HPSE2: variants seen among roughly 807,000 people sequenced by gnomAD.
HPSE2 encodes heparanase 2 (inactive), also known as inactive heparanase-2.
HPSE2 carries 38 observed loss-of-function variants against 60.5 expected under a neutral mutation model. That is an observed-to-expected ratio of 0.63 (90% CI 0.48 to 0.82). The LOEUF is 0.82. Among genes scored for constraint, HPSE2 ranks in the 40% least tolerant of loss-of-function variants. The pLI is 0.00. For missense variants in HPSE2, 713 were observed against 740.4 expected (o/e 0.96, Z 0.43); for synonymous variants, 295 against 293.2 (o/e 1.01, Z -0.06).
chr10:98,988,259 A>G (rs1166764896), intron 3 of HPSE2, among the ~76,000 whole-genome samples: 64 of 152,420 alleles, frequency 4.2e-4, no homozygotes, highest in Admixed American at 1.4e-3. Flanking sequence ...ACAAGGCTAC[A>G]GTAACCAAAA....
rs745969992 is a variant in HPSE2 at position 98,909,827 on chromosome 10, A to G, written c.611-165771T>C. The stretch of plus-strand genomic sequence containing the variant: ...TAAACAACTTAAATGCCATTCACAC[A>G]CATAAAAGTTTAGTAAACTATACTC... On this transcript the variant is annotated intron_variant, in intron 3 of 11. Coordinates refer to ENST00000370552, the MANE Select transcript of HPSE2 (RefSeq NM_021828.5). Among the ~76,000 whole-genome samples, 15 of 152,230 alleles carry G rather than the reference A, an allele frequency of 9.9e-5. No individual in the cohort carries two copies. The South Asian group carries it at 1.2e-3, about 13-fold the overall frequency.
intron 9 of HPSE2, among the ~76,000 whole-genome samples, chr10:98,571,785 C>T (rs745666014): frequency 6.6e-6 from 1 of 152,128 alleles, no homozygotes; most frequent in Non-Finnish European, 1.5e-5. Context: ...AACTGCTAGG[C>T]GAGGGAGGGT....
chr10:98,504,086 T>G lies in HPSE2; in HGVS notation c.1321-13890A>C, dbSNP rs190941513. Among the ~76,000 whole-genome samples the G allele has an allele frequency of 7.6e-4, 115 of 152,288 alleles. 1 individual carries two copies. The highest frequency in any genetic ancestry group is 2.6e-3 in the African/African-American group (108 of 41,554). The stretch of plus-strand genomic sequence containing the variant: ...GAAAGGTGAAATAAATAAATAAATA[T>G]AGCTTTGAATTCGTATTTCTTTCTA... On this transcript the variant is annotated intron_variant, in intron 9 of 11. Transcript: ENST00000370552.
At chr10:98,717,582 G>A (rs1229883511) in intron 5 of HPSE2, among the ~76,000 whole-genome samples, 1 of 152,046 alleles carries the variant, frequency 6.6e-6, no homozygotes, top group East Asian at 1.9e-4. Context: ...GAATAGAAAA[G>A]CCTGAGAACA....
At chr10:99,032,230 T>A (rs1487360939) in intron 3 of HPSE2, among the ~76,000 whole-genome samples, 1 of 152,168 alleles carries the variant, frequency 6.6e-6, no homozygotes, top group African/African-American at 2.4e-5. Flanking sequence ...AGGGCAATAT[T>A]TAGAAAATGT....
At position 99,119,045 on chromosome 10, in the gene HPSE2, A is replaced by AAAAG. The variant is rs1336686620; in HGVS notation, c.610+25189_610+25192dup. ...AGAAAGGAAAAGAAAGAAAGAAAAG[A>AAAAG]AAAGAAAGAAAGAAAGAGAGAGAAA... On this transcript the variant is annotated intron_variant, in intron 3 of 11. Transcript: ENST00000370552. Among the ~76,000 whole-genome samples the AAAAG allele has an allele frequency of 1.9e-3, 279 of 148,188 alleles. 1 individual carries two copies. The highest frequency in any genetic ancestry group is 6.3e-3 in the African/African-American group (254 of 40,482).
At chr10:99,182,018 A>G (rs1018586555) in intron 2 of HPSE2, among the ~76,000 whole-genome samples, 1 of 152,190 alleles carries the variant, frequency 6.6e-6, no homozygotes, top group Non-Finnish European at 1.5e-5. Context: ...AGAAGAAACT[A>G]AACCTCCTGA....
At chr10:99,072,133 GAT>G (rs1842811343) in intron 3 of HPSE2, among the ~76,000 whole-genome samples, 1 of 151,730 alleles carries the variant, frequency 6.6e-6, no homozygotes, top group Non-Finnish European at 1.5e-5. Context: ...CTGAGATTTT[GAT>G]AGAGATAGAA....
chr10:98,478,390 A>C (rs1223315102), intron 11 of HPSE2, among the ~76,000 whole-genome samples: 1 of 152,004 alleles, frequency 6.6e-6, no homozygotes, highest in Admixed American at 6.5e-5. Context: ...CCAAAAGTGA[A>C]GAGGAAACAG....
intron 9 of HPSE2, among the ~76,000 whole-genome samples, chr10:98,589,548 C>A (rs948888480): frequency 3.9e-5 from 6 of 152,196 alleles, no homozygotes; most frequent in Admixed American, 2.6e-4. Context: ...GTTCTGTGCC[C>A]TACAAGAAAT....
chr10:99,275,034 T>C, the HPSE2 span, among the ~76,000 whole-genome samples: 1 of 152,246 alleles, frequency 6.6e-6, no homozygotes, highest in Non-Finnish European at 1.5e-5. Context: ...AATCTAGCCC[T>C]TCATTTTACA....
At chr10:99,188,692 T>A (rs1011159525) in intron 2 of HPSE2, among the ~76,000 whole-genome samples, 1 of 152,068 alleles carries the variant, frequency 6.6e-6, no homozygotes, top group Non-Finnish European at 1.5e-5. Context: ...TGTTTGGGAG[T>A]AAAAGTAGGA....
intron 7 of HPSE2, among the ~76,000 whole-genome samples, chr10:98,627,984 C>A (rs913107400): frequency 1.3e-5 from 2 of 152,204 alleles, no homozygotes; most frequent in Non-Finnish European, 2.9e-5. Context: ...ATTCTCAGCA[C>A]AGGGGTAATT....
At position 98,459,721 on chromosome 10, in the gene HPSE2, G is replaced by C. The variant is rs1354429810; in HGVS notation, c.1632C>G (p.Gly544=). The change falls in exon 12 of 12, where the codon GGC becomes GGG. Residue 544 remains glycine (G), a synonymous_variant. Coordinates refer to ENST00000370552, the MANE Select transcript of HPSE2 (RefSeq NM_021828.5). Reference sequence around the variant, plus strand: ...CGTCGTCCACCATCACTAAGGGCTGGCCATTCAGTTGCACTGACCTACAGT... The same window carrying C: ...CGTCGTCCACCATCACTAAGGGCTGCCCATTCAGTTGCACTGACCTACAGT... ...GLKSKSVQLN[G]QPLVMVDDGT... 1.1e-5 allele frequency: 18 copies of C among 1,613,730 alleles called. No homozygotes were observed. Among genetic ancestry groups the C allele is most frequent in the Non-Finnish European group, 1.5e-5 (18 of 1,179,900 alleles).
intron 6 of HPSE2, among the ~76,000 whole-genome samples, chr10:98,644,196 C>T (rs1233767303): frequency 6.6e-6 from 1 of 152,066 alleles, no homozygotes; most frequent in East Asian, 1.9e-4. Flanking sequence ...TTTAAAAAAC[C>T]CAAATCTACA....
chr10:99,179,810 C>T (rs186950885), intron 2 of HPSE2, among the ~76,000 whole-genome samples: 1 of 151,260 alleles, frequency 6.6e-6, no homozygotes, highest in African/African-American at 2.4e-5. Context: ...CCAAGACAAT[C>T]CTAAGCAAAA....
At chr10:98,916,544 C>T (rs943904477) in intron 3 of HPSE2, among the ~76,000 whole-genome samples, 1 of 152,192 alleles carries the variant, frequency 6.6e-6, no homozygotes, top group African/African-American at 2.4e-5. Context: ...TCTGTTGTGA[C>T]AGATAGGTAA....
intron 7 of HPSE2, among the ~76,000 whole-genome samples, chr10:98,628,382 A>G (rs574335295): frequency 1.3e-5 from 2 of 152,308 alleles, no homozygotes; most frequent in East Asian, 1.9e-4. Flanking sequence ...ACTGAGGGCT[A>G]TAGTTCAACA....
intron 3 of HPSE2, among the ~76,000 whole-genome samples, chr10:98,795,722 A>G (rs2589575): frequency 6.6e-6 from 1 of 151,902 alleles, no homozygotes; most frequent in African/African-American, 2.4e-5. Context: ...TTGTGCCGCC[A>G]CTCCCCCAGC....
Sources: allele counts gnomAD v4.1 joint callset (sites outside exome capture counted in the v4.1 genomes callset), GRCh38; gene constraint gnomAD v4.1.1; transcripts MANE v1.5; gene names NCBI Gene and HGNC (gene_info 2026-07-23, HGNC 2026-07-21).